The following RALGPS1 variants were observed in gnomAD, a reference collection of about 807,000 sequenced individuals.
RALGPS1 encodes the protein ras-specific guanine nucleotide-releasing factor RalGPS1.
Under a neutral mutation model 78.8 loss-of-function variants are expected in RALGPS1, and 19 were observed. The observed-to-expected ratio is 0.24, with a 90% CI of 0.17 to 0.35. The LOEUF (loss-of-function observed/expected upper bound fraction) is 0.35. Ranked by LOEUF, RALGPS1 falls within the 10% of genes least tolerant of loss-of-function variation. The pLI is 1.00. For synonymous variants in RALGPS1, 228 were observed against 256.3 expected, an observed-to-expected ratio of 0.89 and a Z score of 1.06; for missense variants, 454 against 688.3, an observed-to-expected ratio of 0.66 and a Z score of 3.81.
chr9:127,131,337 G>A (rs912576221), intron 8 of RALGPS1, among the ~76,000 whole-genome samples: 5 of 152,194 alleles, frequency 3.3e-5, no homozygotes, highest in Non-Finnish European at 5.9e-5. Flanking sequence ...CTCACTGCCT[G>A]GACTTGATTA....
At chr9:127,051,280 A>G (rs1359892958) in intron 6 of RALGPS1, among the ~76,000 whole-genome samples, 1 of 152,188 alleles carries the variant, frequency 6.6e-6, no homozygotes, top group East Asian at 1.9e-4. Context: ...CAGTTTGGAA[A>G]TGTGTTTATG....
intron 4 of RALGPS1, among the ~76,000 whole-genome samples, chr9:126,985,066 C>A (rs2041670448): frequency 6.6e-6 from 1 of 152,196 alleles, no homozygotes; most frequent in Non-Finnish European, 1.5e-5. Context: ...GTGTATATCT[C>A]CCCACCCTAT....
At chr9:127,176,934 G>A (rs1188532757) in intron 11 of RALGPS1, among the ~76,000 whole-genome samples, 7 of 152,148 alleles carry the variant, frequency 4.6e-5, no homozygotes, top group African/African-American at 1.7e-4. Context: ...CTCCTCCCCA[G>A]GCCCCTCGCT....
intron 8 of RALGPS1, among the ~76,000 whole-genome samples, chr9:127,140,809 C>T (rs757845966): frequency 9.9e-5 from 15 of 152,144 alleles, no homozygotes; most frequent in Non-Finnish European, 2.1e-4. Flanking sequence ...GGAGTCCACG[C>T]TGGAAGAGAC....
At chr9:127,145,279 G>A (rs547706048) in intron 8 of RALGPS1, among the ~76,000 whole-genome samples, 1 of 152,260 alleles carries the variant, frequency 6.6e-6, no homozygotes, top group South Asian at 2.1e-4. Context: ...GCCCTCCGAG[G>A]GAGGTGCTCT....
At chr9:127,098,574 A>G (rs776531774) in intron 8 of RALGPS1, among the ~76,000 whole-genome samples, 4 of 152,200 alleles carry the variant, frequency 2.6e-5, no homozygotes, top group Non-Finnish European at 5.9e-5. Flanking sequence ...GAGGGACATC[A>G]GCAAGTAGGG....
intron 11 of RALGPS1, chr9:127,184,249 G>C (rs1024741016): frequency 8.6e-5 from 45 of 520,696 alleles, no homozygotes; most frequent in Admixed American, 7.4e-4. Flanking sequence ...GATCCCAGGA[G>C]GGGGAGGCTA....
intron 18 of RALGPS1, chr9:127,217,473 T>C (rs895818059): frequency 2.0e-5 from 20 of 982,054 alleles, no homozygotes; most frequent in Non-Finnish European, 2.2e-5. Context: ...ACTAGAGTGA[T>C]TTTCTGTTCT....
In RALGPS1 at chr9:127,091,900, AG is replaced by A; in HGVS notation, c.610+22546del. 1 of 1,614,110 alleles carries A rather than the reference AG, an allele frequency of 6.2e-7. No homozygotes were observed. The stretch of plus-strand genomic sequence containing the variant: ...GTTCGTCAGCCAGTAAATGTTCTCC[AG>A]GCCCAGCCAGTATTCGCCGTCAATG... On this transcript the variant is annotated intron_variant, in intron 8 of 18. Transcript: ENST00000259351. This position sits in a 1 kb window ranked among gnomAD's most constrained non-coding sequence, Gnocchi z 4.3.
chr9:127,114,824 T>G (rs1460048622), intron 8 of RALGPS1, among the ~76,000 whole-genome samples: 2 of 152,384 alleles, frequency 1.3e-5, no homozygotes, highest in African/African-American at 4.8e-5. Context: ...AAGCCTGAGC[T>G]GTGCTTGAGT....
intron 11 of RALGPS1, among the ~76,000 whole-genome samples, chr9:127,193,854 A>T (rs1292232492): frequency 6.6e-6 from 1 of 151,424 alleles, no homozygotes; most frequent in African/African-American, 2.4e-5. Flanking sequence ...ACTCTTTCCC[A>T]CCCCCAGGGC....
At chr9:127,166,307 C>T (rs2059286864) in intron 9 of RALGPS1, 101 bp downstream of exon 9, 1 of 1,404,402 alleles carries the variant, frequency 7.1e-7, no homozygotes, top group South Asian at 1.2e-5. Flanking sequence ...CTACAAAGTT[C>T]CTCATTTTAA....
At chr9:127,072,307 G>C (rs2050276711) in intron 8 of RALGPS1, among the ~76,000 whole-genome samples, 1 of 152,142 alleles carries the variant, frequency 6.6e-6, no homozygotes, top group African/African-American at 2.4e-5. Context: ...GAAACTCCTG[G>C]GTTGAAGTGA....
intron 8 of RALGPS1, among the ~76,000 whole-genome samples, chr9:127,125,534 G>A (rs1163565537): frequency 6.6e-6 from 1 of 152,236 alleles, no homozygotes; most frequent in Non-Finnish European, 1.5e-5. Context: ...TGATGGGGCT[G>A]AAGCATTCGG....
intron 10 of RALGPS1, among the ~76,000 whole-genome samples, chr9:127,171,382 G>A (rs1276106681): frequency 1.4e-4 from 1 of 7,396 alleles, no homozygotes; most frequent in Non-Finnish European, 2.2e-4. Flanking sequence ...AAACTTTCAT[G>A]TGAAAAAAAA....
At chr9:126,918,652 TA>T (rs201345274) in intron 1 of RALGPS1, among the ~76,000 whole-genome samples, 1 of 143,852 alleles carries the variant, frequency 7.0e-6, no homozygotes, top group Non-Finnish European at 1.5e-5. Flanking sequence ...TTTGAGGAAG[TA>T]AAAAAAAAAT....
intron 8 of RALGPS1, chr9:127,093,647 TG>T: frequency 6.7e-7 from 1 of 1,496,222 alleles, no homozygotes. Flanking sequence ...TACCTCTGAG[TG>T]GGCTCTTCTA....
At chr9:127,069,424 G>C in intron 8 of RALGPS1, 68 bp downstream of exon 8, 2 of 1,563,734 alleles carry the variant, frequency 1.3e-6, no homozygotes, top group Non-Finnish European at 8.7e-7. Flanking sequence ...TGTTTTTACA[G>C]TTTCTACCTG....
intron 4 of RALGPS1, among the ~76,000 whole-genome samples, chr9:127,013,778 C>T (rs950243032): frequency 4.6e-5 from 7 of 152,180 alleles, no homozygotes; most frequent in Admixed American, 3.9e-4. Context: ...TTCCAACCCT[C>T]TTCTGGCCTC....
Sources: allele counts gnomAD v4.1 joint callset (sites outside exome capture counted in the v4.1 genomes callset), GRCh38; gene constraint gnomAD v4.1.1; non-coding constraint Gnocchi (gnomAD v3.1); transcripts MANE v1.5; gene names NCBI Gene and HGNC (gene_info 2026-07-23, HGNC 2026-07-21).